DHX16: variants seen among roughly 807,000 people sequenced by gnomAD.
DHX16 encodes pre-mRNA-splicing factor ATP-dependent RNA helicase DHX16.
In DHX16, 81 loss-of-function variants were observed where a neutral mutation model predicts 131.2. That is an observed-to-expected ratio of 0.62 (90% CI 0.52 to 0.74). The LOEUF is 0.74. Ranked by LOEUF, DHX16 falls within the 30% of genes least tolerant of loss-of-function variation. The probability of loss-of-function intolerance (pLI) is 0.00; values close to 1 mark genes in which losing one functional copy is unlikely to be tolerated. For missense variants in DHX16, 980 were observed against 1,363.1 expected, an observed-to-expected ratio of 0.72 and a Z score of 4.43; for synonymous variants, 440 against 520.2, an observed-to-expected ratio of 0.85 and a Z score of 2.10.
intron 19 of DHX16, among the ~76,000 whole-genome samples, chr6:30,653,909 CAGG>C (rs1767705114): frequency 6.6e-6 from 1 of 151,906 alleles, no homozygotes. Context: ...ATCATGAGGT[CAGG>C]AGTTCGAGAT....
rs1392018812 is a variant in DHX16 at position 30,661,397 on chromosome 6, G to GA, written c.1545-1156dup. Among the ~76,000 whole-genome samples, 18 of 151,126 alleles carry GA rather than the reference G, an allele frequency of 1.2e-4. No homozygotes were observed. The East Asian group carries it at 1.9e-3, about 16-fold the overall frequency. Reference sequence around the variant, plus strand: ...CGCTCCCGGCTGATACGTTTTAAAGGAAAAAAAAAGTGGAAGGCAGGGTCC... The same window carrying GA: ...CGCTCCCGGCTGATACGTTTTAAAGGAAAAAAAAAAGTGGAAGGCAGGGTCC... On this transcript the variant is annotated intron_variant, in intron 9 of 19. Coordinates refer to ENST00000376442, the MANE Select transcript of DHX16 (RefSeq NM_003587.5).
intron 7 of DHX16, among the ~76,000 whole-genome samples, chr6:30,664,588 A>G (rs927470866): frequency 4.3e-4 from 65 of 152,140 alleles, no homozygotes; most frequent in African/African-American, 1.3e-3. Context: ...GCCCCACTCC[A>G]CCTATCCATC....
intron 9 of DHX16, chr6:30,660,550 G>A (rs752396775): frequency 3.0e-6 from 1 of 333,476 alleles, no homozygotes; most frequent in Non-Finnish European, 5.4e-6. Flanking sequence ...AGTCTGCTTA[G>A]ACTCAGCAGC....
Position 30,657,007 on chromosome 6 carries a change from T to C in DHX16, c.2093A>G (p.Lys698Arg). 1 of 1,613,088 alleles carries C rather than the reference T, an allele frequency of 6.2e-7. No individual in the cohort carries two copies. The highest frequency in any genetic ancestry group is 1.1e-5 in the South Asian group (1 of 91,088). The change falls in exon 13 of 20, where the codon AAG (lysine) becomes AGG (arginine). Residue 698 changes from lysine (K) to arginine (R), a missense_variant. Lys to Arg is a conservative substitution (Grantham distance 26). Transcript: ENST00000376442. ...YVLDPGFCKQ[K>R]SYNPRTGMES... is the part of the protein sequence containing the mutation. The stretch of plus-strand genomic sequence containing the variant: ...CATGCCTGTGCGGGGGTTGTAGCTC[T>C]TCTGCTTACAGAACCCTGGATCCAG...
chr6:30,668,763 G>A (rs917898064), intron 4 of DHX16, among the ~76,000 whole-genome samples: 2 of 152,146 alleles, frequency 1.3e-5, no homozygotes, highest in African/African-American at 2.4e-5. Flanking sequence ...AGAGATATGA[G>A]ATAAATTGGT....
At position 30,672,796 on chromosome 6, in the gene DHX16, GCAGCTCGTC is replaced by G. The variant is rs1295842142; in HGVS notation, c.37_45del (p.Asp13_Leu15del). On this transcript the variant is annotated inframe_deletion, in exon 1 of 20. Transcript: ENST00000376442. ...CGCTCGCTCAGCCCCAACACCGAGTGCAGCTCGTCCTGAACCCAGCGCTCCAGACCCGCC... is the reference window on the plus strand; with the variant it reads ...CGCTCGCTCAGCCCCAACACCGAGTGCTGAACCCAGCGCTCCAGACCCGCC... The G allele has an allele frequency of 1.9e-6, 3 of 1,612,978 alleles. No individual in the cohort carries two copies. The South Asian group carries it at 3.3e-5, about 18-fold the overall frequency.
intron 4 of DHX16, among the ~76,000 whole-genome samples, chr6:30,667,652 G>A (rs1769172370): frequency 6.6e-6 from 1 of 151,674 alleles, no homozygotes; most frequent in Non-Finnish European, 1.5e-5. Context: ...AGGATTACCA[G>A]TGGCTTCTAA....
Position 30,655,230 on chromosome 6 carries a change from T to C in DHX16, c.2768A>G (p.Glu923Gly). 2 of 1,614,138 alleles carry C rather than the reference T, an allele frequency of 1.2e-6. No individual in the cohort carries two copies. The highest frequency in any genetic ancestry group is 1.1e-5 in the South Asian group (1 of 91,076). ...GGAACTGAGACCAACTTCCACACGT[T>C]CCAAGAGCCCTTCCAGCTGTTCCCG... is the stretch of plus-strand genomic sequence containing the variant. ...DVREQLEGLL[E>G]RVEVGLSSCQ... is the part of the protein sequence containing the mutation. The change falls in exon 18 of 20, where the codon GAA becomes GGA. Residue 923 changes from glutamate to glycine, a missense_variant. By Grantham distance (98) the Glu-to-Gly change is moderately conservative. Coordinates refer to ENST00000376442, the MANE Select transcript of DHX16 (RefSeq NM_003587.5).
Position 30,664,837 on chromosome 6 carries a change from C to G in DHX16, c.1281G>C (p.Gly427=). ...VLIIEGETGS[G]KTTQIPQYLF... ...GATACTGCGGGATCTGGGTGGTCTT[C>G]CCTGAGCCTGTCTCGCCTTCAATGA... The change falls in exon 7 of 20, where the codon GGG becomes GGC. Residue 427 remains glycine, a synonymous_variant. Coordinates refer to ENST00000376442, the MANE Select transcript of DHX16 (RefSeq NM_003587.5). 6.2e-7 allele frequency: 1 copy of G among 1,613,010 alleles called. No homozygotes were observed. Among genetic ancestry groups the G allele is most frequent in the South Asian group, 1.1e-5 (1 of 91,066 alleles).
intron 9 of DHX16, chr6:30,660,452 C>T (rs1768405539): frequency 2.3e-6 from 1 of 439,976 alleles, no homozygotes; most frequent in Non-Finnish European, 4.0e-6. Context: ...TGCAACCTAT[C>T]CCAGCCTCAG....
At chr6:30,664,151 T>A (rs1273963928) in intron 7 of DHX16, among the ~76,000 whole-genome samples, 1 of 151,474 alleles carries the variant, frequency 6.6e-6, no homozygotes, top group Admixed American at 6.6e-5. Flanking sequence ...TGGTGCCACA[T>A]CACTCCAGCT....
intron 7 of DHX16, 117 bp downstream of exon 7, chr6:30,664,684 A>G (rs776917396): frequency 1.9e-5 from 18 of 924,958 alleles, no homozygotes; most frequent in Non-Finnish European, 2.9e-5. Context: ...GAATTTCACA[A>G]TTTAGTGGAA....
Position 30,665,336 on chromosome 6 carries a change from C to T in DHX16, c.922-62G>A. 1 of 1,591,312 alleles carries T rather than the reference C, an allele frequency of 6.3e-7. No individual in the cohort carries two copies. The highest frequency in any genetic ancestry group is 1.1e-5 in the South Asian group (1 of 90,470). ...GGATGTCCTCTCTGCCCTCTCCCCT[C>T]TTCCCATTACTACCCCCGCCCACTG... On this transcript the variant is annotated intron_variant, in intron 5 of 19. Transcript: ENST00000376442. This position sits in a 1 kb window ranked among gnomAD's most constrained non-coding sequence, Gnocchi z 4.8.
Position 30,655,486 on chromosome 6 carries a change from G to A in DHX16, c.2610C>T (p.Asn870=). 1 of 1,613,340 alleles carries A rather than the reference G, an allele frequency of 6.2e-7. No individual in the cohort carries two copies. The stretch of plus-strand genomic sequence containing the variant: ...GGTGGTCACCGCCAGGGAGAAAGAA[G>A]TTGACACGGGCATTGTCAGCATGGA... The part of the protein sequence containing the change: ...KVVHADNARV[N]FFLPGGDHLV... The change falls in exon 17 of 20, where the codon AAC becomes AAT. Residue 870 remains asparagine, a synonymous_variant. Coordinates refer to ENST00000376442, the MANE Select transcript of DHX16 (RefSeq NM_003587.5).
chr6:30,669,744 T>TAAAAA (rs953317689), intron 4 of DHX16, among the ~76,000 whole-genome samples: 13 of 113,816 alleles, frequency 1.1e-4, no homozygotes, highest in African/African-American at 4.4e-4. Context: ...AAAAAAGGTT[T>TAAAAA]AAAAAAAAAA....
intron 12 of DHX16, among the ~76,000 whole-genome samples, chr6:30,659,166 CG>C (rs1561976214): frequency 6.6e-6 from 1 of 152,226 alleles, no homozygotes; most frequent in East Asian, 1.9e-4. Context: ...GGATTACAGG[CG>C]TGAGCCACCG....
chr6:30,655,007 G>A, intron 18 of DHX16, 128 bp from the exon 19 acceptor site: 1 of 1,395,168 alleles, frequency 7.2e-7, no homozygotes, highest in Non-Finnish European at 9.8e-7. Context: ...GAACTTCCCA[G>A]GAATGAACCT....
rs1582948768 is a variant in DHX16, at chr6:30,663,036, A to G, written c.1318-15T>C. On this transcript the variant is annotated splice_polypyrimidine_tract_variant and intron_variant, in intron 7 of 19. Transcript: ENST00000376442. ...TTTGTATAACCCTGAATGACAAAGAAAAAAGAAGAAGTTTGCCCTTTACTA... is the reference window on the plus strand; with the variant it reads ...TTTGTATAACCCTGAATGACAAAGAGAAAAGAAGAAGTTTGCCCTTTACTA... 2 of 1,592,272 alleles carry G rather than the reference A, an allele frequency of 1.3e-6. No homozygotes were observed. Among genetic ancestry groups the G allele is most frequent in the African/African-American group, 2.7e-5 (2 of 73,770 alleles).
At position 30,672,627 on chromosome 6, in the gene DHX16, G is replaced by C. The variant is rs369817718; in HGVS notation, c.207+8C>G. On this transcript the variant is annotated splice_region_variant and intron_variant, in intron 1 of 19. Coordinates refer to ENST00000376442, the MANE Select transcript of DHX16 (RefSeq NM_003587.5). ...AATCACAGGGCCCCTCCCCACCCCT[G>C]CCGACACCTTGTTCCAGAGTCTCAG... 5.0e-4 allele frequency: 796 copies of C among 1,605,460 alleles called. 5 individuals are homozygous for C. The highest frequency in any genetic ancestry group is 3.3e-3 in the Middle Eastern group (20 of 6,038).
Sources: gnomAD v4.1 joint callset for allele counts (sites outside exome capture counted in the v4.1 genomes callset) on GRCh38, gnomAD v4.1.1 for gene constraint, Gnocchi (gnomAD v3.1) non-coding constraint, MANE v1.5 for transcripts, NCBI Gene and HGNC (gene_info 2026-07-23, HGNC 2026-07-21) for gene names.